ADARB1: variants seen among roughly 807,000 people sequenced by gnomAD.
ADARB1 encodes the protein adenosine deaminase RNA specific B1.
A neutral mutation model predicts 52.4 loss-of-function variants in ADARB1; 10 were observed. The observed-to-expected ratio is 0.19, with a 90% CI of 0.12 to 0.32. The LOEUF (loss-of-function observed/expected upper bound fraction) is 0.32. Ranked by LOEUF, ADARB1 falls within the 10% of genes least tolerant of loss-of-function variation. The probability of loss-of-function intolerance (pLI) is 1.00; values close to 1 mark genes in which losing one functional copy is unlikely to be tolerated. For synonymous variants in ADARB1, 349 were observed against 371.1 expected (o/e 0.94, Z 0.68); for missense variants, 643 against 922.3 (o/e 0.70, Z 3.92).
At position 45,223,367 on chromosome 21, in the gene ADARB1, C is replaced by T; in HGVS notation, c.*1170C>T. ...GACGGGAGCTCAGGGCTGCCCAGCG[C>T]CCAGCGTGCACGGGACGGCCCCACG... On this transcript the variant is annotated 3_prime_UTR_variant, in exon 11 of 11. Coordinates refer to ENST00000348831, the MANE Select transcript of ADARB1 (RefSeq NM_001112.4). The T allele has an allele frequency of 1.0e-6, 1 of 985,586 alleles. No homozygotes were observed. The highest frequency in any genetic ancestry group is 1.2e-6 in the Non-Finnish European group (1 of 830,044). The allele number at this position is 985,586 out of a possible 1,614,324, so 61.1% of individuals were successfully genotyped here.
intron 2 of ADARB1, among the ~76,000 whole-genome samples, chr21:45,129,215 C>T (rs1009354642): frequency 6.6e-6 from 1 of 151,510 alleles, no homozygotes; most frequent in African/African-American, 2.4e-5. Flanking sequence ...GGTGACAGAG[C>T]AAGACTCTTT....
Position 45,176,226 on chromosome 21 carries a change from G to T in ADARB1, c.525G>T (p.Thr175=), listed in dbSNP as rs762647109. 1.2e-5 allele frequency: 19 copies of T among 1,614,068 alleles called. No individual in the cohort carries two copies. In the Admixed American group the frequency reaches 2.7e-4, roughly 23 times the overall value. Residue 175 remains threonine, a synonymous_variant, in exon 4 of 11, where the codon ACG becomes ACT. Transcript: ENST00000348831. This position sits in a 1 kb window ranked among gnomAD's most constrained non-coding sequence, Gnocchi z 5.8. The stretch of plus-strand genomic sequence containing the variant: ...CTGACCAGGCCGACTTCCCTGACAC[G>T]CTCTTCAATGGTTTTGAAACTCCTG... ...FTSDQADFPD[T]LFNGFETPDK... is the part of the protein sequence containing the mutation.
At position 45,176,564 on chromosome 21, in the gene ADARB1, C is replaced by T; in HGVS notation, c.863C>T (p.Ala288Val). Reference protein sequence around the residue: ...GRNKKLAKARAAQSALAAIFN... With the variant: ...GRNKKLAKARVAQSALAAIFN... ...AACAAGAAGCTTGCCAAGGCCCGGGCTGCGCAGTCTGCCCTGGCCGCCATT... is the reference window on the plus strand; with the variant it reads ...AACAAGAAGCTTGCCAAGGCCCGGGTTGCGCAGTCTGCCCTGGCCGCCATT... The change falls in exon 4 of 11, where the codon GCT becomes GTT. Residue 288 changes from alanine to valine, a missense_variant. Transcript: ENST00000348831. This position sits in a 1 kb window ranked among gnomAD's most constrained non-coding sequence, Gnocchi z 5.8. 1.2e-6 allele frequency: 2 copies of T among 1,614,250 alleles called. No individual in the cohort carries two copies. Among genetic ancestry groups the T allele is most frequent in the Non-Finnish European group, 1.7e-6 (2 of 1,180,048 alleles).
intron 1 of ADARB1, among the ~76,000 whole-genome samples, chr21:45,126,156 A>G (rs1179969080): frequency 6.6e-6 from 1 of 152,208 alleles, no homozygotes; most frequent in Non-Finnish European, 1.5e-5. Context: ...TTCTAGGCTC[A>G]TGGTATTACG....
chr21:45,225,345 A>T lies in ADARB1; in HGVS notation c.*3148A>T, dbSNP rs952617671. On this transcript the variant is annotated 3_prime_UTR_variant, in exon 11 of 11. Transcript: ENST00000348831. ...AACTGCAGTTTTTATTCTGAGTCTTAATTTAACTTTTCATCATCTTTTCCT... is the reference window on the plus strand; with the variant it reads ...AACTGCAGTTTTTATTCTGAGTCTTTATTTAACTTTTCATCATCTTTTCCT... 5 of 1,230,258 alleles carry T rather than the reference A, an allele frequency of 4.1e-6. No individual in the cohort carries two copies. The highest frequency in any genetic ancestry group is 4.1e-6 in the Non-Finnish European group (4 of 986,466). The allele number at this position is 1,230,258 out of a possible 1,614,324, so 76.2% of individuals were successfully genotyped here.
chr21:45,223,173 G>C lies in ADARB1; in HGVS notation c.*976G>C, dbSNP rs1396235054. ...GGTGACCGCCCGAAGGCCTTCACAG[G>C]ATGGAAGTAGAATGATTTCAGTAGA... is the stretch of plus-strand genomic sequence containing the variant. On this transcript the variant is annotated 3_prime_UTR_variant, in exon 11 of 11. Transcript: ENST00000348831. 2.0e-6 allele frequency: 2 copies of C among 985,358 alleles called. No individual in the cohort carries two copies. The highest frequency in any genetic ancestry group is 2.4e-6 in the Non-Finnish European group (2 of 829,962). 61.0% of individuals were successfully genotyped at this position (985,358 alleles called of 1,614,324 possible). A position where few individuals can be genotyped will look rare whatever the true frequency, so the allele number is the denominator to read the frequency against.
intron 1 of ADARB1, chr21:45,118,712 C>T (rs2087970492): frequency 6.6e-6 from 1 of 152,354 alleles, no homozygotes; most frequent in Non-Finnish European, 1.5e-5. Flanking sequence ...ATCTGCTTCT[C>T]TTCCAGCCCG....
chr21:45,207,606 T>C (rs964793702), intron 9 of ADARB1, among the ~76,000 whole-genome samples: 8 of 152,210 alleles, frequency 5.3e-5, no homozygotes, highest in Non-Finnish European at 8.8e-5. Context: ...AAGAAAAGTC[T>C]TACATTTGAC....
chr21:45,176,788 A>AACTCCTCCTGGTG lies in ADARB1; in HGVS notation c.963+124_963+125insACTCCTCCTGGTG. On this transcript the variant is annotated intron_variant, in intron 4 of 10. Transcript: ENST00000348831. The surrounding 1 kb of genome is among the most constrained non-coding windows in gnomAD (Gnocchi z 5.8). ...TTGACATCACTCTGTCCCCACCAGGAGGAGTTACTGGTAAGTCTGGCTGCT... is the reference window on the plus strand; with the variant it reads ...TTGACATCACTCTGTCCCCACCAGGAACTCCTCCTGGTGGGAGTTACTGGTAAGTCTGGCTGCT... 8 of 1,115,610 alleles carry AACTCCTCCTGGTG rather than the reference A, an allele frequency of 7.2e-6. No individual in the cohort carries two copies. The highest frequency in any genetic ancestry group is 8.7e-6 in the Non-Finnish European group (7 of 805,678). 69.1% of individuals were successfully genotyped at this position (1,115,610 alleles called of 1,614,324 possible).
chr21:45,175,659 A>C, intron 3 of ADARB1, 71 bp from the exon 4 acceptor site: 2 of 1,463,270 alleles, frequency 1.4e-6, no homozygotes, highest in Non-Finnish European at 1.9e-6. Flanking sequence ...GAGCTAAAGG[A>C]ATCTATAAAT....
At position 45,106,636 on chromosome 21, in the gene ADARB1, G is replaced by A. The variant is rs1324192762; in HGVS notation, c.-219-21766G>A. Among the ~76,000 whole-genome samples, 3 of 152,186 alleles carry A rather than the reference G, an allele frequency of 2.0e-5. No individual in the cohort carries two copies. The East Asian group carries it at 5.8e-4, about 29-fold the overall frequency. On this transcript the variant is annotated intron_variant, in intron 1 of 10. Transcript: ENST00000348831. ...ACTTTACTTTAATAAACCATTTTTA[G>A]TGCTATCTATGATAGGGTCCTTCCA...
intron 2 of ADARB1, chr21:45,134,713 A>C: frequency 2.1e-6 from 1 of 479,398 alleles, no homozygotes; most frequent in Non-Finnish European, 4.2e-6. Flanking sequence ...TTTTTACACA[A>C]GATGAAATTG....
intron 2 of ADARB1, among the ~76,000 whole-genome samples, chr21:45,129,254 TA>T (rs1463185602): frequency 6.6e-6 from 1 of 152,166 alleles, no homozygotes; most frequent in Non-Finnish European, 1.5e-5. Flanking sequence ...AACATTTCTT[TA>T]GTACTTATTT....
chr21:45,134,932 C>T, intron 2 of ADARB1: 1 of 440,320 alleles, frequency 2.3e-6, no homozygotes, highest in South Asian at 1.7e-5. Flanking sequence ...GCAGAGCCAC[C>T]TCTGCAGATG....
intron 2 of ADARB1, among the ~76,000 whole-genome samples, chr21:45,159,067 T>C (rs983226168): frequency 9.2e-5 from 14 of 152,204 alleles, no homozygotes; most frequent in African/African-American, 2.9e-4. Flanking sequence ...ATAAACTTTA[T>C]GAAAAAGCAA....
chr21:45,201,086 G>A (rs2092543965), intron 8 of ADARB1, among the ~76,000 whole-genome samples: 1 of 152,228 alleles, frequency 6.6e-6, no homozygotes, highest in Non-Finnish European at 1.5e-5. Context: ...CGCTGTGAGT[G>A]GGCACCTCCC....
chr21:45,196,177 C>T (rs1434756549), intron 8 of ADARB1, among the ~76,000 whole-genome samples: 1 of 151,928 alleles, frequency 6.6e-6, no homozygotes, highest in South Asian at 2.1e-4. Context: ...TTTTTAATTT[C>T]CAATTCTGCT....
In ADARB1 at chr21:45,175,978, T is replaced by C; in HGVS notation, c.277T>C (p.Leu93=). 1 of 1,613,606 alleles carries C rather than the reference T, an allele frequency of 6.2e-7. No homozygotes were observed. The highest frequency in any genetic ancestry group is 2.2e-5 in the East Asian group (1 of 44,884). Residue 93 remains leucine, a synonymous_variant, in exon 4 of 11, where the codon TTG becomes CTG. Transcript: ENST00000348831. Reference sequence around the variant, plus strand: ...GCAGCTGAATGAGATCAAGCCTGGTTTGCAGTACACACTCCTGTCCCAGAC... The same window carrying C: ...GCAGCTGAATGAGATCAAGCCTGGTCTGCAGTACACACTCCTGTCCCAGAC... ...LMQLNEIKPG[L]QYTLLSQTGP...
chr21:45,102,865 G>A (rs2087083733), intron 1 of ADARB1, among the ~76,000 whole-genome samples: 1 of 152,216 alleles, frequency 6.6e-6, no homozygotes, highest in African/African-American at 2.4e-5. Flanking sequence ...CAAGGGCTGT[G>A]CAGAGCAACT....
Sources: gnomAD v4.1 joint callset for allele counts (sites outside exome capture counted in the v4.1 genomes callset) on GRCh38, gnomAD v4.1.1 for gene constraint, Gnocchi (gnomAD v3.1) non-coding constraint, MANE v1.5 for transcripts, NCBI Gene and HGNC (gene_info 2026-07-23, HGNC 2026-07-21) for gene names.